SERINC5: variants seen among roughly 807,000 people sequenced by gnomAD.
SERINC5 encodes serine incorporator 5.
Under a neutral mutation model 63.1 loss-of-function variants are expected in SERINC5, and 41 were observed. The ratio of observed to expected loss-of-function variants is 0.65; its 90% CI spans 0.51 to 0.84. The LOEUF is 0.84. Ranked by LOEUF, SERINC5 falls within the 40% of genes least tolerant of loss-of-function variation. SERINC5 has a pLI of 0.00. For missense variants in SERINC5, 523 were observed against 573.0 expected, an observed-to-expected ratio of 0.91 and a Z score of 0.89; for synonymous variants, 222 against 215.2, an observed-to-expected ratio of 1.03 and a Z score of -0.28.
chr5:80,252,468 G>T (rs1369445933), intron 1 of SERINC5, among the ~76,000 whole-genome samples: 1 of 152,126 alleles, frequency 6.6e-6, no homozygotes, highest in Non-Finnish European at 1.5e-5. Flanking sequence ...GTCTCTAGGG[G>T]CCTAGCACAG....
intron 7 of SERINC5, among the ~76,000 whole-genome samples, chr5:80,165,200 A>T (rs187918382): frequency 0.028 from 4,217 of 149,432 alleles, 94 homozygotes; most frequent in South Asian, 0.053. Context: ...TAGAGTATTT[A>T]AAAAAAAAAC....
At chr5:80,205,821 A>G (rs1489550157) in intron 1 of SERINC5, among the ~76,000 whole-genome samples, 2 of 152,132 alleles carry the variant, frequency 1.3e-5, no homozygotes, top group African/African-American at 4.8e-5. Context: ...TAATCCCAGC[A>G]CTTTAGGAGG....
At position 80,203,048 on chromosome 5, in the gene SERINC5, G is replaced by A. The variant is rs2112491247; in HGVS notation, c.33C>T (p.Ala11=). The change falls in exon 2 of 12, where the codon GCC becomes GCT. Residue 11 remains alanine (A), a synonymous_variant. Coordinates refer to ENST00000507668, the MANE Select transcript of SERINC5 (RefSeq NM_001174072.3). The stretch of plus-strand genomic sequence containing the variant: ...AGCAGCCTGCAGACCCACAGCAGCA[G>A]GCCAGCTAGAAAAGGAACAGAAGGC... MSAQCCAGQL[A]CCCGSAGCSL... is the part of the protein sequence containing the mutation. 1 of 1,605,450 alleles carries A rather than the reference G, an allele frequency of 6.2e-7. No individual in the cohort carries two copies. The highest frequency in any genetic ancestry group is 1.7e-4 in the Middle Eastern group (1 of 6,040).
chr5:80,191,556 C>T (rs1472301960), intron 2 of SERINC5, among the ~76,000 whole-genome samples: 1 of 148,406 alleles, frequency 6.7e-6, no homozygotes, highest in Non-Finnish European at 1.5e-5. Flanking sequence ...CCCGGTTACT[C>T]AGCAGGCTGA....
chr5:80,203,265 T>TA (rs145890326), intron 1 of SERINC5: 15 of 205,602 alleles, frequency 7.3e-5, no homozygotes, highest in Non-Finnish European at 1.2e-4. Flanking sequence ...CACATATATA[T>TA]ATATATGTGT....
intron 1 of SERINC5, among the ~76,000 whole-genome samples, chr5:80,205,671 G>A (rs1750119126): frequency 1.3e-5 from 2 of 152,166 alleles, no homozygotes; most frequent in South Asian, 4.1e-4. Context: ...TAAGGTAATA[G>A]AGGATGGTGA....
chr5:80,199,477 C>T (rs1379574069), intron 2 of SERINC5, among the ~76,000 whole-genome samples: 3 of 152,210 alleles, frequency 2.0e-5, no homozygotes, highest in African/African-American at 2.4e-5. Flanking sequence ...ACTTATTTCA[C>T]GAAGCCTTTC....
rs905634375 is a variant in SERINC5, at chr5:80,255,649, C to T, written c.27+247G>A. On this transcript the variant is annotated intron_variant, in intron 1 of 11. Coordinates refer to ENST00000507668, the MANE Select transcript of SERINC5 (RefSeq NM_001174072.3). Reference sequence around the variant, plus strand: ...CGAGCCCGGCACGCCCCGCTCCACGCGGAGTCCCGGAGGCCGGACGGGAAG... The same window carrying T: ...CGAGCCCGGCACGCCCCGCTCCACGTGGAGTCCCGGAGGCCGGACGGGAAG... Among the ~76,000 whole-genome samples the T allele has an allele frequency of 4.6e-5, 7 of 152,318 alleles. No individual in the cohort carries two copies. In the South Asian group the frequency reaches 1.4e-3, roughly 32 times the overall value.
intron 2 of SERINC5, among the ~76,000 whole-genome samples, chr5:80,200,933 A>C (rs573246642): frequency 6.6e-6 from 1 of 151,384 alleles, no homozygotes; most frequent in South Asian, 2.1e-4. Flanking sequence ...ATCTCTACTA[A>C]AGAAAGATAC....
In SERINC5 at chr5:80,221,644, G is replaced by GA. The variant is rs1750911728; in HGVS notation, c.28-18592dup. 2.0e-5 allele frequency among the ~76,000 whole-genome samples: 3 copies of GA among 151,992 alleles called. No homozygotes were observed. In the South Asian group the frequency reaches 6.2e-4, roughly 32 times the overall value. Reference sequence around the variant, plus strand: ...ATTTCATAAGTTTTTTAAATGAAGAGAAAACTGCAATATTTTAATAGGTAA... The same window carrying GA: ...ATTTCATAAGTTTTTTAAATGAAGAGAAAAACTGCAATATTTTAATAGGTAA... On this transcript the variant is annotated intron_variant, in intron 1 of 11. Transcript: ENST00000507668.
At chr5:80,133,695 CAG>C (rs1745040393) in intron 11 of SERINC5, among the ~76,000 whole-genome samples, 1 of 152,366 alleles carries the variant, frequency 6.6e-6, no homozygotes, top group Admixed American at 6.5e-5. Context: ...ACTGCCTAGG[CAG>C]ACTCAATTTA....
intron 1 of SERINC5, 109 bp from the exon 2 acceptor site, chr5:80,203,162 G>A (rs927560712): frequency 8.1e-6 from 9 of 1,106,544 alleles, no homozygotes; most frequent in Non-Finnish European, 1.2e-5. Flanking sequence ...TCGGGGGGCT[G>A]GAGGATCACT....
At chr5:80,149,601 C>A (rs1746042811) in intron 9 of SERINC5, among the ~76,000 whole-genome samples, 1 of 152,222 alleles carries the variant, frequency 6.6e-6, no homozygotes, top group Non-Finnish European at 1.5e-5. Flanking sequence ...TCCTGGGCAG[C>A]AGTGGTCAAG....
intron 4 of SERINC5, 98 bp from the exon 5 acceptor site, chr5:80,175,145 C>T (rs931645232): frequency 8.6e-6 from 6 of 699,626 alleles, no homozygotes; most frequent in Non-Finnish European, 1.4e-5. Context: ...GATCAGTGTA[C>T]CTAACATATT....
At chr5:80,165,445 T>A (rs73128053) in intron 7 of SERINC5, among the ~76,000 whole-genome samples, 3,833 of 152,312 alleles carry the variant, frequency 0.025, 160 homozygotes, top group African/African-American at 0.087. Context: ...TATATGCTTA[T>A]GTGTATGTAT....
At chr5:80,199,362 GC>G (rs1749693660) in intron 2 of SERINC5, among the ~76,000 whole-genome samples, 1 of 152,204 alleles carries the variant, frequency 6.6e-6, no homozygotes, top group Non-Finnish European at 1.5e-5. Flanking sequence ...TGAGTACAGT[GC>G]TGATGAAGTA....
At position 80,143,745 on chromosome 5, in the gene SERINC5, G is replaced by A; in HGVS notation, c.1304C>T (p.Ala435Val). 1 of 1,536,114 alleles carries A rather than the reference G, an allele frequency of 6.5e-7. No homozygotes were observed. Among genetic ancestry groups the A allele is most frequent in the Non-Finnish European group, 8.7e-7 (1 of 1,146,882 alleles). The change falls in exon 12 of 12, where the codon GCC becomes GTC. Residue 435 changes from alanine (A) to valine (V), a missense_variant. Transcript: ENST00000507668. Reference protein sequence around the residue: ...GSWSIFWVKMASCWICVLLYL... With the variant: ...GSWSIFWVKMVSCWICVLLYL... ...CAACAGCACGCATATCCAGCAGGAG[G>A]CCATCTTGACCCAGAAGATGGACCA...
At position 80,142,216 on chromosome 5, in the gene SERINC5, G is replaced by A. The variant is rs1028723625; in HGVS notation, c.*1447C>T. On this transcript the variant is annotated 3_prime_UTR_variant, in exon 12 of 12. Coordinates refer to ENST00000507668, the MANE Select transcript of SERINC5 (RefSeq NM_001174072.3). ...CCTGAATACATCAACACTGAAAATA[G>A]GCATCATCTTGGGTAGCTGCCGAAA... 12 of 984,768 alleles carry A rather than the reference G, an allele frequency of 1.2e-5. No individual in the cohort carries two copies. Among genetic ancestry groups the A allele is most frequent in the African/African-American group, 1.7e-5 (1 of 57,154 alleles). The allele number at this position is 984,768 out of a possible 1,614,324, so 61.0% of individuals were successfully genotyped here. A position where few individuals can be genotyped will look rare whatever the true frequency, so the allele number is the denominator to read the frequency against.
chr5:80,252,429 G>T (rs1052215682), intron 1 of SERINC5, among the ~76,000 whole-genome samples: 2 of 151,942 alleles, frequency 1.3e-5, no homozygotes, highest in Non-Finnish European at 2.9e-5. Context: ...AGTTAAAGGA[G>T]AACAAGGAAG....
Sources: gnomAD v4.1 joint callset for allele counts (sites outside exome capture counted in the v4.1 genomes callset) on GRCh38, gnomAD v4.1.1 for gene constraint, MANE v1.5 for transcripts, NCBI Gene and HGNC (gene_info 2026-07-23, HGNC 2026-07-21) for gene names.